The following DENND2C variants were observed in gnomAD, a reference collection of about 807,000 sequenced individuals.
DENND2C encodes DENN domain-containing protein 2C.
DENND2C carries 72 observed loss-of-function variants against 112.4 expected under a neutral mutation model. The ratio of observed to expected loss-of-function variants is 0.64; its 90% CI spans 0.53 to 0.78. The LOEUF is 0.78. DENND2C is among the 30% of genes least tolerant of loss of function. The pLI, the probability that DENND2C is intolerant of heterozygous loss-of-function variation, is 0.00. For synonymous variants in DENND2C, 329 were observed against 381.6 expected (o/e 0.86, Z 1.61); for missense variants, 992 against 1,113.8 (o/e 0.89, Z 1.56).
intron 3 of DENND2C, among the ~76,000 whole-genome samples, chr1:114,631,730 C>A (rs1237809018): frequency 6.6e-6 from 1 of 151,790 alleles, no homozygotes; most frequent in African/African-American, 2.4e-5. Flanking sequence ...TGCAGTGAGC[C>A]GAGATTGTGA....
chr1:114,666,706 G>C (rs1200465668), intron 1 of DENND2C, among the ~76,000 whole-genome samples: 1 of 152,118 alleles, frequency 6.6e-6, no homozygotes, highest in Non-Finnish European at 1.5e-5. Context: ...ACCTGCCTTG[G>C]CCTCCCAGAG....
intron 4 of DENND2C, 68 bp downstream of exon 4, chr1:114,625,111 G>A (rs1656291702): frequency 2.1e-6 from 3 of 1,452,748 alleles, no homozygotes; most frequent in Non-Finnish European, 2.7e-6. Context: ...GTTTGAAAAG[G>A]AAAAAGAAGC....
chr1:114,590,492 A>C (rs1655155236), intron 18 of DENND2C, among the ~76,000 whole-genome samples: 1 of 152,140 alleles, frequency 6.6e-6, no homozygotes. Context: ...AAAATTATTG[A>C]ACTTGGCCGG....
At chr1:114,634,028 AAAG>A (rs1384258112) in intron 3 of DENND2C, among the ~76,000 whole-genome samples, 2 of 152,354 alleles carry the variant, frequency 1.3e-5, no homozygotes, top group African/African-American at 4.8e-5. Context: ...CAGCAGTGAT[AAAG>A]AAGGACATTA....
intron 11 of DENND2C, among the ~76,000 whole-genome samples, chr1:114,602,609 C>A (rs1009470857): frequency 2.6e-5 from 4 of 152,176 alleles, no homozygotes; most frequent in Admixed American, 2.0e-4. Context: ...GTTGCCCAGG[C>A]TGGAGTGCAG....
chr1:114,659,228 C>T (rs1044520670), intron 1 of DENND2C, among the ~76,000 whole-genome samples: 1 of 152,152 alleles, frequency 6.6e-6, no homozygotes, highest in Non-Finnish European at 1.5e-5. Flanking sequence ...TGGCCAGGCG[C>T]GGTGACTCAC....
chr1:114,599,288 G>A lies in DENND2C; in HGVS notation c.2269C>T (p.Leu757=). The stretch of plus-strand genomic sequence containing the variant: ...TTCTATCTCACCTCTTCAATGGGTA[G>A]GTCCTGGAGCTGTGGTAAGGAGCAA... ...LSCSLPQLQD[L]PIEEVLIVDL... Residue 757 remains leucine, a synonymous_variant, in exon 16 of 21, where the codon CTA becomes TTA. Transcript: ENST00000393274. The A allele has an allele frequency of 6.2e-7, 1 of 1,608,972 alleles. No homozygotes were observed. The highest frequency in any genetic ancestry group is 8.5e-7 in the Non-Finnish European group (1 of 1,176,726).
At chr1:114,638,632 G>C (rs2101678868) in intron 3 of DENND2C, among the ~76,000 whole-genome samples, 1 of 151,530 alleles carries the variant, frequency 6.6e-6, no homozygotes, top group African/African-American at 2.4e-5. Context: ...GCATGGCGTT[G>C]TGCGTCTGTA....
chr1:114,625,968 G>C lies in DENND2C; in HGVS notation c.17C>G (p.Ser6Cys). 6.2e-7 allele frequency: 1 copy of C among 1,608,256 alleles called. No homozygotes were observed. The highest frequency in any genetic ancestry group is 8.5e-7 in the Non-Finnish European group (1 of 1,176,906). Residue 6 changes from serine to cysteine, a missense_variant, in exon 4 of 21, where the codon TCT becomes TGT. This residue lies in a region of DENND2C where 470 missense variants were observed against 472.7 expected (regional missense o/e 0.99). Coordinates refer to ENST00000393274, the MANE Select transcript of DENND2C (RefSeq NM_001256404.2). ...TGACAGTGTCTGAACAGTAGTACGA[G>C]AAAAACCAACATCCATGTTCCCAAC... MDVGF[S>C]RTTVQTLSRS...
chr1:114,650,548 C>T (rs919397573), intron 2 of DENND2C, among the ~76,000 whole-genome samples: 193 of 150,710 alleles, frequency 1.3e-3, no homozygotes, highest in African/African-American at 4.5e-3. Context: ...GTGGCGGGCG[C>T]CTGTAGTCCC....
rs1303383461 is a variant in DENND2C at position 114,622,023 on chromosome 1, C to T, written c.1099G>A (p.Val367Ile). ...PQFLHRKTME[V>I]KNSQAYLRSK... ...CGCAAATAAGCCTGTGAGTTCTTTA[C>T]TTCCATAGTCTTCCGGTGAAGGAAC... Residue 367 changes from valine to isoleucine, a missense_variant, in exon 7 of 21, where the codon GTA becomes ATA. Val to Ile is a conservative substitution (Grantham distance 29, BLOSUM62 3). Transcript: ENST00000393274. 6 of 1,549,458 alleles carry T rather than the reference C, an allele frequency of 3.9e-6. No homozygotes were observed.
intron 3 of DENND2C, among the ~76,000 whole-genome samples, chr1:114,643,055 C>T (rs116714757): frequency 1.2e-3 from 186 of 152,300 alleles, no homozygotes; most frequent in African/African-American, 4.3e-3. Flanking sequence ...GACCTCAAGA[C>T]TCTTAACACT....
rs933785378 is a variant in DENND2C at position 114,585,413 on chromosome 1, T to C, written c.*187A>G. 1 of 615,652 alleles carries C rather than the reference T, an allele frequency of 1.6e-6. No homozygotes were observed. Among genetic ancestry groups the C allele is most frequent in the African/African-American group, 1.9e-5 (1 of 53,976 alleles). 38.1% of individuals were successfully genotyped at this position (615,652 alleles called of 1,614,324 possible). ...GTAAAGATGGCATGGTGCCAGACCA[T>C]TCCCAACAATTCTCCAGTGATTACT... On this transcript the variant is annotated 3_prime_UTR_variant, in exon 21 of 21. Transcript: ENST00000393274.
chr1:114,607,830 T>C (rs891167272), intron 10 of DENND2C, among the ~76,000 whole-genome samples: 11 of 152,214 alleles, frequency 7.2e-5, no homozygotes, highest in African/African-American at 2.2e-4. Flanking sequence ...CTATATACAT[T>C]ACCTCACTAA....
intron 2 of DENND2C, among the ~76,000 whole-genome samples, chr1:114,651,022 T>G (rs1480362307): frequency 6.6e-6 from 1 of 151,810 alleles, no homozygotes. Context: ...GGCAGGAGAA[T>G]CACTTGAACT....
At chr1:114,599,715 G>A (rs1655439874) in intron 15 of DENND2C, among the ~76,000 whole-genome samples, 1 of 152,072 alleles carries the variant, frequency 6.6e-6, no homozygotes, top group Admixed American at 6.6e-5. Context: ...TTTGACAATA[G>A]GGTAAGCAAA....
intron 14 of DENND2C, 92 bp downstream of exon 14, chr1:114,600,728 G>A: frequency 6.9e-7 from 1 of 1,444,872 alleles, no homozygotes; most frequent in South Asian, 1.4e-5. Context: ...TATGGAAAAG[G>A]GAAATCTATC....
intron 11 of DENND2C, among the ~76,000 whole-genome samples, chr1:114,602,396 A>C (rs935605352): frequency 5.9e-5 from 9 of 152,170 alleles, no homozygotes; most frequent in Non-Finnish European, 1.3e-4. Flanking sequence ...GAGGAGGCAT[A>C]ATATTACATT....
At chr1:114,613,703 A>T (rs1655884245) in intron 8 of DENND2C, among the ~76,000 whole-genome samples, 1 of 152,146 alleles carries the variant, frequency 6.6e-6, no homozygotes, top group Non-Finnish European at 1.5e-5. Flanking sequence ...CTTATAAAAG[A>T]TCACTTAATT....
Sources: gnomAD v4.1 joint callset for allele counts (sites outside exome capture counted in the v4.1 genomes callset) on GRCh38, gnomAD v4.1.1 for gene constraint, gnomAD v4.1.1 regional missense constraint, MANE v1.5 for transcripts, NCBI Gene and HGNC (gene_info 2026-07-23, HGNC 2026-07-21) for gene names.